The following COLEC11 variants were observed in gnomAD, a reference collection of about 807,000 sequenced individuals.
COLEC11 encodes collectin subfamily member 11, also known as collectin-11.
A neutral mutation model predicts 27.3 loss-of-function variants in COLEC11; 20 were observed. That is an observed-to-expected ratio of 0.73 (90% CI 0.51 to 1.06). The LOEUF (loss-of-function observed/expected upper bound fraction) is 1.06, where lower values mean the gene tolerates loss of function less well. Ranked by LOEUF, COLEC11 falls within the 50% of genes least tolerant of loss-of-function variation. COLEC11 has a pLI of 0.00. For missense variants in COLEC11, 310 were observed against 383.0 expected (o/e 0.81, Z 1.59); for synonymous variants, 163 against 154.7 (o/e 1.05, Z -0.40).
At position 3,604,368 on chromosome 2, in the gene COLEC11, G is replaced by T. The variant is rs147362981; in HGVS notation, c.28G>T (p.Val10Phe). The T allele has an allele frequency of 3.7e-6, 6 of 1,614,104 alleles. No individual in the cohort carries two copies. Among genetic ancestry groups the T allele is most frequent in the East Asian group, 4.5e-5 (2 of 44,896 alleles). ...GAGGGGGAATCTGGCCCTGGTGGGCGTTCTAATCAGCCTGGCCTTCCTGTC... is the reference window on the plus strand; with the variant it reads ...GAGGGGGAATCTGGCCCTGGTGGGCTTTCTAATCAGCCTGGCCTTCCTGTC... Reference protein sequence around the residue: MRGNLALVGVLISLAFLSLL... With the variant: MRGNLALVGFLISLAFLSLL... Residue 10 changes from valine to phenylalanine, a missense_variant, in exon 2 of 7, where the codon GTT becomes TTT. Physicochemically the swap from Val to Phe is conservative, Grantham distance 50. Coordinates refer to ENST00000349077, the MANE Select transcript of COLEC11 (RefSeq NM_024027.5).
At chr2:3,621,102 T>G (rs1664154329) in intron 3 of COLEC11, among the ~76,000 whole-genome samples, 1 of 152,240 alleles carries the variant, frequency 6.6e-6, no homozygotes, top group Non-Finnish European at 1.5e-5. Flanking sequence ...GGGTGATCTT[T>G]CCATTGTTGA....
intron 2 of COLEC11, among the ~76,000 whole-genome samples, chr2:3,610,932 T>C (rs765747993): frequency 2.0e-5 from 3 of 152,190 alleles, no homozygotes; most frequent in Non-Finnish European, 4.4e-5. Context: ...TTTTCCCTCC[T>C]GGGTAGCTGA....
intron 3 of COLEC11, 46 bp from the exon 4 acceptor site, chr2:3,637,487 G>A (rs370494587): frequency 5.3e-6 from 8 of 1,499,940 alleles, no homozygotes; most frequent in Admixed American, 1.7e-5. Flanking sequence ...GGAGGCCACG[G>A]TGTCACCTGT....
At chr2:3,637,688 A>C in intron 4 of COLEC11, 84 bp downstream of exon 4, 1 of 1,083,528 alleles carries the variant, frequency 9.2e-7, no homozygotes, top group Non-Finnish European at 1.4e-6. Flanking sequence ...TGTAGCCTGA[A>C]TTGTCTCGTC....
intron 3 of COLEC11, among the ~76,000 whole-genome samples, chr2:3,620,467 A>AT (rs533195108): frequency 5.4e-4 from 78 of 145,182 alleles, no homozygotes; most frequent in Middle Eastern, 3.6e-3. Flanking sequence ...AGGTTCGTCA[A>AT]TTTTTTTTTT....
intron 1 of COLEC11, among the ~76,000 whole-genome samples, chr2:3,598,020 C>A (rs1026961512): frequency 3.5e-4 from 53 of 152,290 alleles, no homozygotes; most frequent in African/African-American, 1.3e-3. Flanking sequence ...ACTGCAACCT[C>A]CACCTCCCGG....
chr2:3,642,223 A>G (rs888435098), intron 5 of COLEC11, among the ~76,000 whole-genome samples: 1 of 152,232 alleles, frequency 6.6e-6, no homozygotes, highest in Non-Finnish European at 1.5e-5. Flanking sequence ...TTTGGAGCCC[A>G]GACTGTCTGC....
Position 3,604,416 on chromosome 2 carries a change from C to G in COLEC11, c.76C>G (p.Gln26Glu). 6.2e-7 allele frequency: 1 copy of G among 1,614,230 alleles called. No individual in the cohort carries two copies. Among genetic ancestry groups the G allele is most frequent in the East Asian group, 2.2e-5 (1 of 44,880 alleles). The part of the protein sequence containing the change: ...FLSLLPSGHP[Q>E]PAGDDACSVQ... ...GTCACTGCTGCCATCTGGACATCCT[C>G]AGCCGGCTGGCGATGACGCCTGCTC... is the stretch of plus-strand genomic sequence containing the variant. The change falls in exon 2 of 7, where the codon CAG (glutamine) becomes GAG (glutamate). Residue 26 changes from glutamine to glutamate, a missense_variant. Coordinates refer to ENST00000349077, the MANE Select transcript of COLEC11 (RefSeq NM_024027.5).
At chr2:3,618,079 AT>A (rs1321433627) in intron 3 of COLEC11, among the ~76,000 whole-genome samples, 1 of 152,206 alleles carries the variant, frequency 6.6e-6, no homozygotes, top group Non-Finnish European at 1.5e-5. Context: ...TTCCTTACAT[AT>A]TTTGGATATT....
At chr2:3,606,676 C>G (rs1662727706) in intron 2 of COLEC11, among the ~76,000 whole-genome samples, 1 of 152,204 alleles carries the variant, frequency 6.6e-6, no homozygotes, top group Non-Finnish European at 1.5e-5. Context: ...ATCAGGTGTC[C>G]GTCCAGCACG....
intron 3 of COLEC11, among the ~76,000 whole-genome samples, chr2:3,636,078 G>A (rs1032556908): frequency 5.3e-5 from 8 of 152,354 alleles, no homozygotes; most frequent in African/African-American, 1.4e-4. Flanking sequence ...AAGACTAGGA[G>A]TTCCTGGCAG....
intron 2 of COLEC11, among the ~76,000 whole-genome samples, chr2:3,608,161 G>T (rs184891991): frequency 6.6e-6 from 1 of 152,290 alleles, no homozygotes; most frequent in Admixed American, 6.5e-5. Context: ...TACGATCTAG[G>T]TAAAAGCTTT....
intron 3 of COLEC11, among the ~76,000 whole-genome samples, chr2:3,624,830 T>C (rs73910305): frequency 0.061 from 9,347 of 152,280 alleles, 961 homozygotes; most frequent in African/African-American, 0.21. Flanking sequence ...AAAGCTCCTC[T>C]TCTGCCATCC....
At chr2:3,604,538 A>T in intron 2 of COLEC11, 68 bp downstream of exon 2, 2 of 1,548,060 alleles carry the variant, frequency 1.3e-6, no homozygotes, top group Non-Finnish European at 1.8e-6. Context: ...CTCCCATGCA[A>T]CTGCGCAGTT....
chr2:3,627,685 G>A (rs1244452363), intron 3 of COLEC11, among the ~76,000 whole-genome samples: 3 of 150,632 alleles, frequency 2.0e-5, no homozygotes, highest in South Asian at 2.1e-4. Flanking sequence ...GCACAGTGAC[G>A]CTGGGCACGA....
intron 3 of COLEC11, 68 bp from the exon 4 acceptor site, chr2:3,637,465 G>GT (rs1665509539): frequency 8.2e-7 from 1 of 1,221,756 alleles, no homozygotes; most frequent in Non-Finnish European, 1.2e-6. Flanking sequence ...ATCCGTGCAC[G>GT]TGTGTGATGG....
intron 2 of COLEC11, chr2:3,606,113 G>A: frequency 6.4e-7 from 1 of 1,550,660 alleles, no homozygotes; most frequent in Admixed American, 2.0e-5. Context: ...GGGTTTGTGA[G>A]TGGAACCTTC....
chr2:3,625,915 G>A, intron 3 of COLEC11: 1 of 1,131,962 alleles, frequency 8.8e-7, no homozygotes, highest in Non-Finnish European at 1.3e-6. Context: ...TTATAGGCAT[G>A]AGCCGCCATA....
intron 3 of COLEC11, among the ~76,000 whole-genome samples, chr2:3,614,364 A>G (rs2147886275): frequency 6.6e-6 from 1 of 152,278 alleles, no homozygotes; most frequent in East Asian, 1.9e-4. Flanking sequence ...ATTAAAAAAA[A>G]TTATTATAAC....
Sources: gnomAD v4.1 joint callset for allele counts (sites outside exome capture counted in the v4.1 genomes callset) on GRCh38, gnomAD v4.1.1 for gene constraint, MANE v1.5 for transcripts, NCBI Gene and HGNC (gene_info 2026-07-23, HGNC 2026-07-21) for gene names.